PRKCE: variants seen among roughly 807,000 people sequenced by gnomAD.
PRKCE encodes protein kinase C epsilon, also known as protein kinase C epsilon type.
Under a neutral mutation model 85.4 loss-of-function variants are expected in PRKCE, and 16 were observed. The observed-to-expected ratio is 0.19, with a 90% CI of 0.13 to 0.28. The LOEUF (loss-of-function observed/expected upper bound fraction) is 0.28, where lower values mean the gene tolerates loss of function less well. PRKCE is among the 10% of genes least tolerant of loss of function. PRKCE has a pLI of 1.00. For synonymous variants in PRKCE, 388 were observed against 371.5 expected, an observed-to-expected ratio of 1.04 and a Z score of -0.51; for missense variants, 573 against 975.2, an observed-to-expected ratio of 0.59 and a Z score of 5.49.
chr2:46,176,509 T>C (rs1396715075), intron 14 of PRKCE, among the ~76,000 whole-genome samples: 1 of 152,114 alleles, frequency 6.6e-6, no homozygotes, highest in Non-Finnish European at 1.5e-5. Context: ...ACTTTGAAAT[T>C]GATATTATTA....
chr2:46,148,205 G>C (rs1180642998), intron 12 of PRKCE, among the ~76,000 whole-genome samples: 2 of 151,982 alleles, frequency 1.3e-5, no homozygotes, highest in Admixed American at 6.5e-5. Flanking sequence ...CATCATCAGG[G>C]CCAATGCCTT....
intron 1 of PRKCE, among the ~76,000 whole-genome samples, chr2:45,659,784 T>C (rs1043666653): frequency 6.6e-6 from 1 of 151,850 alleles, no homozygotes; most frequent in Non-Finnish European, 1.5e-5. Flanking sequence ...TTTCTGGCAA[T>C]CCTATCTAAA....
chr2:46,021,059 G>A (rs1706612068), intron 10 of PRKCE, among the ~76,000 whole-genome samples: 1 of 152,170 alleles, frequency 6.6e-6, no homozygotes. Flanking sequence ...TCCTGGGGGT[G>A]AGAAGGGCCA....
chr2:46,179,215 G>A (rs1410703346), intron 14 of PRKCE, among the ~76,000 whole-genome samples: 2 of 152,278 alleles, frequency 1.3e-5, no homozygotes, highest in Non-Finnish European at 2.9e-5. Flanking sequence ...TGATCTCCTG[G>A]GAATCAGATG....
intron 2 of PRKCE, among the ~76,000 whole-genome samples, chr2:45,897,623 C>A (rs965536194): frequency 7.2e-5 from 11 of 152,202 alleles, no homozygotes; most frequent in African/African-American, 2.6e-4. Context: ...GGAGATGGCA[C>A]CCCATTTTTT....
chr2:45,776,736 A>G (rs532020075), intron 1 of PRKCE, among the ~76,000 whole-genome samples: 6 of 152,292 alleles, frequency 3.9e-5, no homozygotes, highest in African/African-American at 1.4e-4. Context: ...CGTTTAAAGA[A>G]GCCCAAATGT....
At chr2:46,082,282 G>A (rs1669157762) in intron 10 of PRKCE, among the ~76,000 whole-genome samples, 1 of 152,112 alleles carries the variant, frequency 6.6e-6, no homozygotes, top group African/African-American at 2.4e-5. Context: ...GCATGATGGT[G>A]GTAGAGAGAG....
chr2:46,133,420 C>G (rs1674654302), intron 11 of PRKCE, among the ~76,000 whole-genome samples: 1 of 152,204 alleles, frequency 6.6e-6, no homozygotes, highest in East Asian at 1.9e-4. Flanking sequence ...CTTCTAGACC[C>G]TAGACCTCTC....
At position 45,866,632 on chromosome 2, in the gene PRKCE, G is replaced by A. The variant is rs371015527; in HGVS notation, c.412+23569G>A. Among the ~76,000 whole-genome samples the A allele has an allele frequency of 2.3e-3, 356 of 152,314 alleles. 4 individuals are homozygous for A. Among genetic ancestry groups the A allele is most frequent in the African/African-American group, 8.1e-3 (337 of 41,564 alleles). On this transcript the variant is annotated intron_variant, in intron 2 of 14. Transcript: ENST00000306156. ...TGGGATTTTCTTCAGACTAACAATGGCGGGGAAGCAGGCGACGGTGTTAAT... is the reference window on the plus strand; with the variant it reads ...TGGGATTTTCTTCAGACTAACAATGACGGGGAAGCAGGCGACGGTGTTAAT...
chr2:45,848,286 C>G (rs2105528899), intron 2 of PRKCE, among the ~76,000 whole-genome samples: 1 of 151,856 alleles, frequency 6.6e-6, no homozygotes, highest in South Asian at 2.1e-4. Flanking sequence ...ACCATTCATT[C>G]AAATGACCAA....
rs1036628118 is a variant in PRKCE, at chr2:46,139,845, T to C, written c.1593-5248T>C. On this transcript the variant is annotated intron_variant, in intron 11 of 14. Transcript: ENST00000306156. The surrounding 1 kb of genome is among the most constrained non-coding windows in gnomAD (Gnocchi z 5.2). ...ATTGCCTAGAACCTAGTCACATAAC[T>C]ACACCCTGCTCCAAGGGCAGCTTTT... 6.6e-6 allele frequency among the ~76,000 whole-genome samples: 1 copy of C among 152,070 alleles called. No homozygotes were observed. Among genetic ancestry groups the C allele is most frequent in the East Asian group, 1.9e-4 (1 of 5,194 alleles).
At chr2:45,900,843 T>C (rs970855598) in intron 2 of PRKCE, among the ~76,000 whole-genome samples, 1 of 152,250 alleles carries the variant, frequency 6.6e-6, no homozygotes, top group Non-Finnish European at 1.5e-5. Context: ...GCATATGATT[T>C]TGGGATACAG....
At chr2:45,836,491 A>G (rs1690888097) in intron 1 of PRKCE, among the ~76,000 whole-genome samples, 1 of 152,206 alleles carries the variant, frequency 6.6e-6, no homozygotes, top group Non-Finnish European at 1.5e-5. Flanking sequence ...TATTGCCTCA[A>G]TGCTTTCTGC....
chr2:45,915,856 C>T lies in PRKCE; in HGVS notation c.413-60573C>T, dbSNP rs1697732783. Among the ~76,000 whole-genome samples the T allele has an allele frequency of 4.6e-5, 7 of 152,296 alleles. No individual in the cohort carries two copies. In the South Asian group the frequency reaches 1.5e-3, roughly 32 times the overall value. On this transcript the variant is annotated intron_variant, in intron 2 of 14. Coordinates refer to ENST00000306156, the MANE Select transcript of PRKCE (RefSeq NM_005400.3). ...CAAGCATCCTCCTCTCCCACTGTCCCACAAGTGATACACACCTGCAGTCAC... is the reference window on the plus strand; with the variant it reads ...CAAGCATCCTCCTCTCCCACTGTCCTACAAGTGATACACACCTGCAGTCAC...
At chr2:45,885,001 A>ATATATATATATATT (rs1342824133) in intron 2 of PRKCE, among the ~76,000 whole-genome samples, 2 of 71,540 alleles carry the variant, frequency 2.8e-5, no homozygotes, top group African/African-American at 1.2e-4. Flanking sequence ...ATATATATAT[A>ATATATATATATATT]TTTGTTGTTG....
intron 10 of PRKCE, among the ~76,000 whole-genome samples, chr2:46,077,330 C>T (rs1188582989): frequency 6.6e-6 from 1 of 151,940 alleles, no homozygotes; most frequent in Non-Finnish European, 1.5e-5. Context: ...AAGTTGTATA[C>T]ATGAAATATG....
In PRKCE at chr2:46,172,059, G is replaced by A. The variant is rs1678956322; in HGVS notation, c.2067+12307G>A. ...CCTCAGGAATGGTTTCAGAGCTCACGTGCAGCATCCTCTCAGTTCGACTCT... is the reference window on the plus strand; with the variant it reads ...CCTCAGGAATGGTTTCAGAGCTCACATGCAGCATCCTCTCAGTTCGACTCT... On this transcript the variant is annotated intron_variant, in intron 14 of 14. Transcript: ENST00000306156. Among the ~76,000 whole-genome samples the A allele has an allele frequency of 2.6e-5, 4 of 152,218 alleles. No individual in the cohort carries two copies. In the South Asian group the frequency reaches 6.2e-4, roughly 24 times the overall value.
At chr2:45,694,530 G>A (rs761047873) in intron 1 of PRKCE, among the ~76,000 whole-genome samples, 2 of 152,202 alleles carry the variant, frequency 1.3e-5, no homozygotes, top group Non-Finnish European at 2.9e-5. Context: ...ACTTATGTGG[G>A]ACTAACAGCC....
Position 45,652,487 on chromosome 2 carries a change from T to G in PRKCE, c.348+39T>G. On this transcript the variant is annotated intron_variant, in intron 1 of 14. Coordinates refer to ENST00000306156, the MANE Select transcript of PRKCE (RefSeq NM_005400.3). This position sits in a 1 kb window ranked among gnomAD's most constrained non-coding sequence, Gnocchi z 7.7. Reference sequence around the variant, plus strand: ...CTCCCCGTCATTCCGGGAACCCGGTTGTGGGGTCCCGGGGAAAGACTCGCT... The same window carrying G: ...CTCCCCGTCATTCCGGGAACCCGGTGGTGGGGTCCCGGGGAAAGACTCGCT... 2.0e-6 allele frequency: 3 copies of G among 1,535,308 alleles called. No homozygotes were observed. Among genetic ancestry groups the G allele is most frequent in the Non-Finnish European group, 2.6e-6 (3 of 1,134,494 alleles).
Sources: gnomAD v4.1 joint callset for allele counts (sites outside exome capture counted in the v4.1 genomes callset) on GRCh38, gnomAD v4.1.1 for gene constraint, Gnocchi (gnomAD v3.1) non-coding constraint, MANE v1.5 for transcripts, NCBI Gene and HGNC (gene_info 2026-07-23, HGNC 2026-07-21) for gene names.